TLR9: variants seen among roughly 807,000 people sequenced by gnomAD.
TLR9 encodes toll like receptor 9.
TLR9 carries 19 observed loss-of-function variants against 24.6 expected under a neutral mutation model. The observed-to-expected ratio is 0.77, with a 90% confidence interval of 0.54 to 1.13. The LOEUF is 1.13. Ranked by LOEUF, TLR9 falls within the 50% of genes most tolerant of loss-of-function variation. TLR9 has a pLI of 0.00. For synonymous variants in TLR9, 579 were observed against 609.8 expected, an observed-to-expected ratio of 0.95 and a Z score of 0.74; for missense variants, 1,065 against 1,379.6, an observed-to-expected ratio of 0.77 and a Z score of 3.61.
rs141799890 is a variant in TLR9, at chr3:52,222,699, G to T, written c.1617C>A (p.His539Gln). The change falls in exon 2 of 2, where the codon CAC becomes CAA. Residue 539 changes from histidine (H) to glutamine (Q), a missense_variant. By Grantham distance (24) the His-to-Gln change is conservative (BLOSUM62 0). Coordinates refer to ENST00000360658, the MANE Select transcript of TLR9 (RefSeq NM_017442.4). ...SHNKLDLYHEHSFTELPRLEA... is the reference protein window; with the variant it reads ...SHNKLDLYHEQSFTELPRLEA... Reference sequence around the variant, plus strand: ...CCAGTCGCGGTAGCTCCGTGAATGAGTGCTCGTGGTAGAGGTCCAGCTTAT... The same window carrying T: ...CCAGTCGCGGTAGCTCCGTGAATGATTGCTCGTGGTAGAGGTCCAGCTTAT... 2.2e-4 allele frequency: 351 copies of T among 1,613,268 alleles called. No individual in the cohort carries two copies. Among genetic ancestry groups the T allele is most frequent in the Admixed American group, 5.5e-4 (33 of 60,022 alleles).
intron 1 of TLR9, among the ~76,000 whole-genome samples, chr3:52,225,190 C>T (rs1047247601): frequency 3.9e-5 from 6 of 152,040 alleles, no homozygotes; most frequent in Non-Finnish European, 2.9e-5. Context: ...ACTAAAAATA[C>T]AAAATTAGCC....
rs201583260 is a variant in TLR9 at position 52,221,787 on chromosome 3, G to A, written c.2529C>T (p.Leu843=). 3 of 1,613,814 alleles carry A rather than the reference G, an allele frequency of 1.9e-6. No homozygotes were observed. The Admixed American group carries it at 5.0e-5, about 27-fold the overall frequency. Residue 843 remains leucine (L), a synonymous_variant, in exon 2 of 2, where the codon CTC becomes CTT. Transcript: ENST00000360658. This position sits in a 1 kb window ranked among gnomAD's most constrained non-coding sequence, Gnocchi z 9.9. The stretch of plus-strand genomic sequence containing the variant: ...CCAGGCACAGGTGGAAGCAGTACCA[G>A]AGGTCCCAGCCACAGAGGTGATGCA... ...PMLHHLCGWD[L]WYCFHLCLAW...
chr3:52,225,566 G>T lies in TLR9; in HGVS notation c.-37C>A, dbSNP rs2107297129. 6.4e-7 allele frequency: 1 copy of T among 1,573,972 alleles called. No homozygotes were observed. Among genetic ancestry groups the T allele is most frequent in the Admixed American group, 2.0e-5 (1 of 49,620 alleles). On this transcript the variant is annotated 5_prime_UTR_variant, in exon 1 of 2. Transcript: ENST00000360658. The stretch of plus-strand genomic sequence containing the variant: ...GGGGCTTCTCCAGAGGGTCTGGCGG[G>T]CAGACTGGACAGCAGCTACAGGGAA...
rs141461033 is a variant in TLR9 at position 52,221,732 on chromosome 3, C to T, written c.2584G>A (p.Gly862Arg). The stretch of plus-strand genomic sequence containing the variant: ...TAGGGCAGGGCATCCTCATCTCGCC[C>T]ACTTTGCCGCCCCCGCCAGGGAAGC... ...AWLPWRGRQS[G>R]RDEDALPYDA... Residue 862 changes from glycine (G) to arginine (R), a missense_variant, in exon 2 of 2, where the codon GGG (glycine) becomes AGG (arginine). Coordinates refer to ENST00000360658, the MANE Select transcript of TLR9 (RefSeq NM_017442.4). This position sits in a 1 kb window ranked among gnomAD's most constrained non-coding sequence, Gnocchi z 9.9. The T allele has an allele frequency of 1.2e-5, 19 of 1,613,936 alleles. No homozygotes were observed. Among genetic ancestry groups the T allele is most frequent in the East Asian group, 2.2e-5 (1 of 44,874 alleles).
rs774587357 is a variant in TLR9 at position 52,222,532 on chromosome 3, A to C, written c.1784T>G (p.Leu595Arg). The C allele has an allele frequency of 2.5e-6, 4 of 1,614,176 alleles. No homozygotes were observed. The highest frequency in any genetic ancestry group is 3.4e-6 in the Non-Finnish European group (4 of 1,180,022). Reference sequence around the variant, plus strand: ...CAGGGCCCGCAGCGACGTACTGCAGAGCTGCTGGGACACTTGGCTGTGGAT... The same window carrying C: ...CAGGGCCCGCAGCGACGTACTGCAGCGCTGCTGGGACACTTGGCTGTGGAT... ...NNIHSQVSQQ[L>R]CSTSLRALDF... Residue 595 changes from leucine to arginine, a missense_variant, in exon 2 of 2, where the codon CTC becomes CGC. Leu to Arg is a moderately radical substitution (Grantham distance 102). Coordinates refer to ENST00000360658, the MANE Select transcript of TLR9 (RefSeq NM_017442.4).
Position 52,222,297 on chromosome 3 carries a change from G to A in TLR9, c.2019C>T (p.Leu673=). The part of the protein sequence containing the change: ...NYLAFFKWWS[L]HFLPKLEVLD... ...GGACTTCCAGTTTGGGCAGGAAGTG[G>A]AGGCTCCACCACTTAAAGAAGGCCA... Residue 673 remains leucine (L), a synonymous_variant, in exon 2 of 2, where the codon CTC becomes CTT. Coordinates refer to ENST00000360658, the MANE Select transcript of TLR9 (RefSeq NM_017442.4). 1 of 1,614,212 alleles carries A rather than the reference G, an allele frequency of 6.2e-7. No individual in the cohort carries two copies. The highest frequency in any genetic ancestry group is 8.5e-7 in the Non-Finnish European group (1 of 1,180,042).
rs1178659419 is a variant in TLR9 at position 52,222,492 on chromosome 3, A to G, written c.1824T>C (p.Asn608=). ...CCTCGGCCCACATATGGCCCAGTGC[A>G]TTGCCGCTGAAGTCCAGGGCCCGCA... ...TSLRALDFSG[N]ALGHMWAEGD... The change falls in exon 2 of 2, where the codon AAT becomes AAC. Residue 608 remains asparagine (N), a synonymous_variant. Coordinates refer to ENST00000360658, the MANE Select transcript of TLR9 (RefSeq NM_017442.4). 1 of 1,614,220 alleles carries G rather than the reference A, an allele frequency of 6.2e-7. No homozygotes were observed. Among genetic ancestry groups the G allele is most frequent in the Non-Finnish European group, 8.5e-7 (1 of 1,180,038 alleles).
chr3:52,225,497 T>C, intron 1 of TLR9, 30 bp downstream of exon 1: 1 of 1,597,416 alleles, frequency 6.3e-7, no homozygotes, highest in Non-Finnish European at 8.5e-7. Context: ...GATATCCCCT[T>C]CCCCAGGGGA....
At position 52,222,488 on chromosome 3, in the gene TLR9, G is replaced by A. The variant is rs369361864; in HGVS notation, c.1828C>T (p.Leu610=). ...TCTCCCTCGGCCCACATATGGCCCA[G>A]TGCATTGCCGCTGAAGTCCAGGGCC... ...LRALDFSGNA[L]GHMWAEGDLY... is the part of the protein sequence containing the mutation. The change falls in exon 2 of 2, where the codon CTG becomes TTG. Residue 610 remains leucine (L), a synonymous_variant. Transcript: ENST00000360658. The A allele has an allele frequency of 1.2e-6, 2 of 1,614,246 alleles. No individual in the cohort carries two copies. The highest frequency in any genetic ancestry group is 4.5e-5 in the East Asian group (2 of 44,890).
rs5743847 is a variant in TLR9, at chr3:52,221,214, C to A, written c.*3G>T. 6.6e-7 allele frequency: 1 copy of A among 1,511,330 alleles called. No homozygotes were observed. Among genetic ancestry groups the A allele is most frequent in the Non-Finnish European group, 8.9e-7 (1 of 1,129,880 alleles). The allele number at this position is 1,511,330 out of a possible 1,614,324, so 93.6% of individuals were successfully genotyped here. A position where few individuals can be genotyped will look rare whatever the true frequency, so the allele number is the denominator to read the frequency against. The stretch of plus-strand genomic sequence containing the variant: ...TGGCACCGTGCAGGATTCCGGCTCA[C>A]GGCTATTCGGCCGTGGGTCCCTGGC... On this transcript the variant is annotated 3_prime_UTR_variant, in exon 2 of 2. Coordinates refer to ENST00000360658, the MANE Select transcript of TLR9 (RefSeq NM_017442.4). This position sits in a 1 kb window ranked among gnomAD's most constrained non-coding sequence, Gnocchi z 9.9.
Position 52,223,333 on chromosome 3 carries a change from T to C in TLR9, c.983A>G (p.Lys328Arg). Residue 328 changes from lysine to arginine, a missense_variant, in exon 2 of 2, where the codon AAG (lysine) becomes AGG (arginine). By Grantham distance (26) the Lys-to-Arg change is conservative. Transcript: ENST00000360658. ...NFLYKCITKT[K>R]AFQGLTQLRK... ...CAGCTGTGTTAGGCCCTGGAAGGCC[T>C]TGGTTTTAGTGATGCATTTGTAGAG... The C allele has an allele frequency of 6.2e-7, 1 of 1,614,220 alleles. No homozygotes were observed.
chr3:52,221,263 T>C lies in TLR9; in HGVS notation c.3053A>G (p.His1018Arg). The part of the protein sequence containing the change: ...QLGMALTRDN[H>R]HFYNRNFCQG... ...GCAGAAGTTCCGGTTATAGAAGTGG[T>C]GGTTGTCCCTGGTCAGGGCCATGCC... is the stretch of plus-strand genomic sequence containing the variant. The change falls in exon 2 of 2, where the codon CAC (histidine) becomes CGC (arginine). Residue 1018 changes from histidine (H) to arginine (R), a missense_variant. By Grantham distance (29) the His-to-Arg change is conservative (BLOSUM62 0). Coordinates refer to ENST00000360658, the MANE Select transcript of TLR9 (RefSeq NM_017442.4). This position sits in a 1 kb window ranked among gnomAD's most constrained non-coding sequence, Gnocchi z 9.9. 6.6e-7 allele frequency: 1 copy of C among 1,515,610 alleles called. No homozygotes were observed. The allele number at this position is 1,515,610 out of a possible 1,614,324, so 93.9% of individuals were successfully genotyped here.
chr3:52,222,348 C>G lies in TLR9; in HGVS notation c.1968G>C (p.Gln656His). The stretch of plus-strand genomic sequence containing the variant: ...GGTAATTGTCACGGAGACGCAGCAC[C>G]TGTAGGCTCTTGGGGAGGTTGCGCA... ...QTLRNLPKSL[Q>H]VLRLRDNYLA... Residue 656 changes from glutamine (Q) to histidine (H), a missense_variant, in exon 2 of 2, where the codon CAG becomes CAC. Physicochemically the swap from Gln to His is conservative, Grantham distance 24 (BLOSUM62 0). Coordinates refer to ENST00000360658, the MANE Select transcript of TLR9 (RefSeq NM_017442.4). 6.2e-7 allele frequency: 1 copy of G among 1,614,212 alleles called. No homozygotes were observed.
chr3:52,225,363 AAAG>A (rs1384034159), intron 1 of TLR9, among the ~76,000 whole-genome samples, 161 bp downstream of exon 1: 1 of 151,946 alleles, frequency 6.6e-6, no homozygotes, highest in Admixed American at 6.6e-5. Context: ...AAAAAAGAAA[AAAG>A]AAGAGGGCTT....
Position 52,223,327 on chromosome 3 carries a change from A to C in TLR9, c.989T>G (p.Phe330Cys). The C allele has an allele frequency of 6.2e-7, 1 of 1,614,206 alleles. No individual in the cohort carries two copies. Among genetic ancestry groups the C allele is most frequent in the Non-Finnish European group, 8.5e-7 (1 of 1,180,036 alleles). The change falls in exon 2 of 2, where the codon TTC (phenylalanine) becomes TGC (cysteine). Residue 330 changes from phenylalanine to cysteine, a missense_variant. Transcript: ENST00000360658. ...CTTGCGCAGCTGTGTTAGGCCCTGG[A>C]AGGCCTTGGTTTTAGTGATGCATTT... ...LYKCITKTKAFQGLTQLRKLN... is the reference protein window; with the variant it reads ...LYKCITKTKACQGLTQLRKLN...
At chr3:52,225,012 C>T (rs1699607222) in intron 1 of TLR9, among the ~76,000 whole-genome samples, 1 of 152,234 alleles carries the variant, frequency 6.6e-6, no homozygotes, top group African/African-American at 2.4e-5. Context: ...GCCTCAGTCT[C>T]CTCGTCCCCT....
At chr3:52,224,374 T>C in intron 1 of TLR9, 62 bp from the exon 2 acceptor site, 6 of 1,299,034 alleles carry the variant, frequency 4.6e-6, no homozygotes, top group Non-Finnish European at 6.5e-6. Context: ...CCCACTCCAC[T>C]TCATGGGCAT....
rs1458231824 is a variant in TLR9, at chr3:52,222,896, T to G, written c.1420A>C (p.Asn474His). 4 of 1,605,748 alleles carry G rather than the reference T, an allele frequency of 2.5e-6. No homozygotes were observed. The Admixed American group carries it at 5.0e-5, about 20-fold the overall frequency. ...TTCCGTGACAGATCCAAGGTGAAGT[T>G]GAGGGTGCTGCAGTTGGGCCTGAAG... ...EDFRPNCSTL[N>H]FTLDLSRNNL... Residue 474 changes from asparagine to histidine, a missense_variant, in exon 2 of 2, where the codon AAC becomes CAC. Physicochemically the swap from Asn to His is moderately conservative, Grantham distance 68. Coordinates refer to ENST00000360658, the MANE Select transcript of TLR9 (RefSeq NM_017442.4).
At position 52,223,940 on chromosome 3, in the gene TLR9, C is replaced by T; in HGVS notation, c.376G>A (p.Glu126Lys). 1.3e-6 allele frequency: 2 copies of T among 1,592,150 alleles called. No individual in the cohort carries two copies. Among genetic ancestry groups the T allele is most frequent in the Non-Finnish European group, 1.7e-6 (2 of 1,166,226 alleles). The change falls in exon 2 of 2, where the codon GAA becomes AAA. Residue 126 changes from glutamate to lysine, a missense_variant. Physicochemically the swap from Glu to Lys is moderately conservative, Grantham distance 56. Coordinates refer to ENST00000360658, the MANE Select transcript of TLR9 (RefSeq NM_017442.4). ...TTGTTGTAGCTCAGGTTTAGCTCTT[C>T]CAGGGTGGGCACAGCCAAGAAGGTG... ...PSTFLAVPTL[E>K]ELNLSYNNIM...
Sources: allele counts gnomAD v4.1 joint callset (sites outside exome capture counted in the v4.1 genomes callset), GRCh38; gene constraint gnomAD v4.1.1; non-coding constraint Gnocchi (gnomAD v3.1); transcripts MANE v1.5; gene names NCBI Gene and HGNC (gene_info 2026-07-23, HGNC 2026-07-21).